Variants in AP1G2 observed in about 807,000 individuals in gnomAD.
AP1G2 encodes AP-1 complex subunit gamma-like 2.
In AP1G2, 85 loss-of-function variants were observed where a neutral mutation model predicts 95.8. That is an observed-to-expected ratio of 0.89 (90% confidence interval 0.74 to 1.06). The LOEUF is 1.06. AP1G2 is among the 50% of genes least tolerant of loss of function. AP1G2 has a pLI of 0.00. For synonymous variants in AP1G2, 378 were observed against 400.0 expected (o/e 0.94, Z 0.66); for missense variants, 967 against 1,005.8 (o/e 0.96, Z 0.52).
Position 23,561,457 on chromosome 14 carries a change from G to A in AP1G2, c.1858-26C>T, listed in dbSNP as rs75782454. The A allele has an allele frequency of 1.9e-3, 3,094 of 1,613,928 alleles. 42 individuals carry two copies. The East Asian group carries it at 0.033, about 17-fold the overall frequency. ...CTGGCAGAAGGGACAGAAGGGGCAG[G>A]GCTGGGTATGAAGCTCAGCCCGTCT... is the stretch of plus-strand genomic sequence containing the variant. On this transcript the variant is annotated intron_variant, in intron 18 of 21. Transcript: ENST00000397120.
rs1888733437 is a variant in AP1G2, at chr14:23,567,680, C to T, written c.-6+59G>A. The T allele has an allele frequency of 2.2e-6, 2 of 929,640 alleles. No individual in the cohort carries two copies. The highest frequency in any genetic ancestry group is 4.0e-5 in the South Asian group (1 of 25,288). The allele number at this position is 929,640 out of a possible 1,614,324, so 57.6% of individuals were successfully genotyped here. A position where few individuals can be genotyped will look rare whatever the true frequency, so the allele number is the denominator to read the frequency against. ...TTCCGCGAGCTTCCTCCCCCGATTT[C>T]CATCTCAGGCAGCGGCAGCGGCAGC... On this transcript the variant is annotated intron_variant, in intron 1 of 21. Transcript: ENST00000397120. The surrounding 1 kb of genome is among the most constrained non-coding windows in gnomAD (Gnocchi z 5.3).
chr14:23,567,736 C>T lies in AP1G2; in HGVS notation c.-6+3G>A. 1.0e-6 allele frequency: 1 copy of T among 954,806 alleles called. No individual in the cohort carries two copies. Among genetic ancestry groups the T allele is most frequent in the East Asian group, 1.3e-4 (1 of 7,908 alleles). The allele number at this position is 954,806 out of a possible 1,614,324, so 59.1% of individuals were successfully genotyped here. ...CCTGCCTACCCCAGGACTCCAGCCT[C>T]ACCTGGCTTCTGCCTCAACTCCGCT... On this transcript the variant is annotated splice_donor_region_variant and intron_variant, in intron 1 of 21. Coordinates refer to ENST00000397120, the MANE Select transcript of AP1G2 (RefSeq NM_003917.5). This position sits in a 1 kb window ranked among gnomAD's most constrained non-coding sequence, Gnocchi z 5.3.
intron 9 of AP1G2, 31 bp from the exon 10 acceptor site, chr14:23,564,419 A>T (rs1318503815): frequency 6.2e-7 from 1 of 1,613,706 alleles, no homozygotes; most frequent in Admixed American, 1.7e-5. Context: ...GGTCAGTCGG[A>T]AAGGAGCAAC....
Position 23,567,259 on chromosome 14 carries a change from T to C in AP1G2, c.56A>G (p.Lys19Arg). ...QDLIEEIRGAKTQAQEREVIQ... is the reference protein window; with the variant it reads ...QDLIEEIRGARTQAQEREVIQ... The stretch of plus-strand genomic sequence containing the variant: ...CACCTCCCGCTCCTGGGCCTGAGTC[T>C]TGGCCCCGCGAATCTCTTCGATGAG... Residue 19 changes from lysine (K) to arginine (R), a missense_variant, in exon 2 of 22, where the codon AAG (lysine) becomes AGG (arginine). Coordinates refer to ENST00000397120, the MANE Select transcript of AP1G2 (RefSeq NM_003917.5). This position sits in a 1 kb window ranked among gnomAD's most constrained non-coding sequence, Gnocchi z 5.3. 1 of 1,613,078 alleles carries C rather than the reference T, an allele frequency of 6.2e-7. No homozygotes were observed. Among genetic ancestry groups the C allele is most frequent in the African/African-American group, 1.3e-5 (1 of 74,976 alleles).
In AP1G2 at chr14:23,562,395, C is replaced by T. The variant is rs761539741; in HGVS notation, c.1521G>A (p.Leu507=). ...EPLQVDEEEV[L]ALLEKVLQSH... ...ACTGCAGCACCTTTTCCAGCAATGC[C>T]AGCACTTCCTCTTCGTCCACCTTCA... Residue 507 remains leucine, a synonymous_variant, in exon 16 of 22, where the codon CTG becomes CTA. Transcript: ENST00000397120. 1 of 1,614,136 alleles carries T rather than the reference C, an allele frequency of 6.2e-7. No homozygotes were observed. Among genetic ancestry groups the T allele is most frequent in the Non-Finnish European group, 8.5e-7 (1 of 1,180,012 alleles).
At chr14:23,562,893 C>A (rs1000478010) in intron 14 of AP1G2, 10 of 516,584 alleles carry the variant, frequency 1.9e-5, no homozygotes, top group Non-Finnish European at 3.2e-5. Context: ...AAGTTTGTTA[C>A]CTGGCTCCCA....
chr14:23,564,146 TCAGGGCTA>T lies in AP1G2; in HGVS notation c.983_990del (p.Val328AspfsTer10). 6.2e-7 allele frequency: 1 copy of T among 1,614,054 alleles called. No homozygotes were observed. The highest frequency in any genetic ancestry group is 1.1e-5 in the South Asian group (1 of 91,058). ...GACTGCACCAGTCGAAGCAGTGATG[TCAGGGCTA>T]CATACCTGGTCAGGATGGGGGAGGT... On this transcript the variant is annotated frameshift_variant, in exon 11 of 22. Coordinates refer to ENST00000397120, the MANE Select transcript of AP1G2 (RefSeq NM_003917.5). LOFTEE classifies it high-confidence loss of function.
Position 23,567,727 on chromosome 14 carries a change from C to T in AP1G2, c.-6+12G>A. On this transcript the variant is annotated intron_variant, in intron 1 of 21. Transcript: ENST00000397120. This position sits in a 1 kb window ranked among gnomAD's most constrained non-coding sequence, Gnocchi z 5.3. ...CAGCGACAGCCTGCCTACCCCAGGA[C>T]TCCAGCCTCACCTGGCTTCTGCCTC... 1 of 900,812 alleles carries T rather than the reference C, an allele frequency of 1.1e-6. No individual in the cohort carries two copies. The highest frequency in any genetic ancestry group is 1.3e-6 in the Non-Finnish European group (1 of 747,926). The allele number at this position is 900,812 out of a possible 1,614,324, so 55.8% of individuals were successfully genotyped here.
At position 23,559,841 on chromosome 14, in the gene AP1G2, G is replaced by A. The variant is rs1157308575; in HGVS notation, c.2266C>T (p.Arg756Trp). Reference protein sequence around the residue: ...RILNPNKAPLRLKLRLTYDHF... With the variant: ...RILNPNKAPLWLKLRLTYDHF... ...TCGTAGGTGAGGCGCAGCTTTAGCC[G>A]CAGGGGGGCCTAGGAATAGGAGAGC... Residue 756 changes from arginine to tryptophan, a missense_variant, in exon 22 of 22, where the codon CGG becomes TGG. Coordinates refer to ENST00000397120, the MANE Select transcript of AP1G2 (RefSeq NM_003917.5). 3.7e-6 allele frequency: 6 copies of A among 1,613,904 alleles called. No individual in the cohort carries two copies. The highest frequency in any genetic ancestry group is 4.5e-5 in the East Asian group (2 of 44,890).
intron 14 of AP1G2, chr14:23,562,947 A>C: frequency 1.4e-6 from 1 of 712,486 alleles, no homozygotes; most frequent in Non-Finnish European, 2.0e-6. Flanking sequence ...GGCCTAACCA[A>C]ACAGGATGGA....
chr14:23,561,984 A>G lies in AP1G2; in HGVS notation c.1711T>C (p.Phe571Leu). Residue 571 changes from phenylalanine (F) to leucine (L), a missense_variant, in exon 17 of 22, where the codon TTC becomes CTC. Coordinates refer to ENST00000397120, the MANE Select transcript of AP1G2 (RefSeq NM_003917.5). ...QQRAVEYDTL[F>L]RKYDHMRAAI... ...CACCTCATGTGGTCGTATTTCCGGAAGAGTGTGTCATACTCCACAGCCCGC... is the reference window on the plus strand; with the variant it reads ...CACCTCATGTGGTCGTATTTCCGGAGGAGTGTGTCATACTCCACAGCCCGC... The G allele has an allele frequency of 6.2e-7, 1 of 1,612,492 alleles. No homozygotes were observed. The highest frequency in any genetic ancestry group is 8.5e-7 in the Non-Finnish European group (1 of 1,179,346).
chr14:23,566,875 G>C lies in AP1G2; in HGVS notation c.205-189C>G. The C allele has an allele frequency of 4.2e-6, 4 of 953,822 alleles. No individual in the cohort carries two copies. In the South Asian group the frequency reaches 6.9e-5, roughly 16 times the overall value. 59.1% of individuals were successfully genotyped at this position (953,822 alleles called of 1,614,324 possible). A position where few individuals can be genotyped will look rare whatever the true frequency, so the allele number is the denominator to read the frequency against. On this transcript the variant is annotated intron_variant, in intron 2 of 21. Transcript: ENST00000397120. ...GTAGGAGGAACTAGGAGTTGAGGAG[G>C]ATGGGAGCGGAGAGGAGGAGATGCC...
rs368909897 is a variant in AP1G2, at chr14:23,564,103, T to C, written c.1034A>G (p.Gln345Arg). 2.5e-6 allele frequency: 4 copies of C among 1,614,218 alleles called. No individual in the cohort carries two copies. In the African/African-American group the frequency reaches 5.3e-5, roughly 22 times the overall value. ...TTCCACCACAGTGGGCCGATGCCGC[T>C]GCACAGCACTGTGATCAGACTGCAC... ...RLVQSDHSAVQRHRPTVVECL... is the reference protein window; with the variant it reads ...RLVQSDHSAVRRHRPTVVECL... The change falls in exon 11 of 22, where the codon CAG becomes CGG. Residue 345 changes from glutamine to arginine, a missense_variant. Physicochemically the swap from Gln to Arg is conservative, Grantham distance 43. Transcript: ENST00000397120.
At chr14:23,560,177 C>A in intron 20 of AP1G2, 78 bp downstream of exon 20, 1 of 1,555,576 alleles carries the variant, frequency 6.4e-7, no homozygotes, top group South Asian at 1.2e-5. Flanking sequence ...CTCACACTGT[C>A]TCCCACCCAC....
At position 23,559,985 on chromosome 14, in the gene AP1G2, C is replaced by T. The variant is rs766477765; in HGVS notation, c.2209G>A (p.Gly737Ser). The change falls in exon 21 of 22, where the codon GGT becomes AGT. Residue 737 changes from glycine to serine, a missense_variant. Transcript: ENST00000397120. ...APSGNTVPAR[G>S]GLPITQLFRI... ...AAGAGCTGGGTGATAGGAAGGCCAC[C>T]CCGAGCTGGAACTGTGTTCCCACTG... is the stretch of plus-strand genomic sequence containing the variant. The T allele has an allele frequency of 5.0e-6, 8 of 1,613,224 alleles. No individual in the cohort carries two copies. Among genetic ancestry groups the T allele is most frequent in the Middle Eastern group, 1.7e-4 (1 of 5,978 alleles).
chr14:23,562,392 T>C lies in AP1G2; in HGVS notation c.1524A>G (p.Ala508=). ...PLQVDEEEVL[A]LLEKVLQSHM... ...GGGACTGCAGCACCTTTTCCAGCAA[T>C]GCCAGCACTTCCTCTTCGTCCACCT... is the stretch of plus-strand genomic sequence containing the variant. The change falls in exon 16 of 22, where the codon GCA becomes GCG. Residue 508 remains alanine (A), a synonymous_variant. Transcript: ENST00000397120. 6.2e-7 allele frequency: 1 copy of C among 1,614,168 alleles called. No homozygotes were observed. The highest frequency in any genetic ancestry group is 8.5e-7 in the Non-Finnish European group (1 of 1,180,020).
At position 23,564,600 on chromosome 14, in the gene AP1G2, G is replaced by C; in HGVS notation, c.883C>G (p.Leu295Val). ...GCAGAGCGGATATCCATGATGGTGA[G>C]TACTGTCTCAAACAGGACCGCATTT... Reference protein sequence around the residue: ...AGNAVLFETVLTIMDIRSAAG... With the variant: ...AGNAVLFETVVTIMDIRSAAG... The change falls in exon 9 of 22, where the codon CTC becomes GTC. Residue 295 changes from leucine to valine, a missense_variant. Physicochemically the swap from Leu to Val is conservative, Grantham distance 32. Coordinates refer to ENST00000397120, the MANE Select transcript of AP1G2 (RefSeq NM_003917.5). The C allele has an allele frequency of 6.2e-7, 1 of 1,613,662 alleles. No individual in the cohort carries two copies. The highest frequency in any genetic ancestry group is 8.5e-7 in the Non-Finnish European group (1 of 1,180,016).
rs1253959028 is a variant in AP1G2 at position 23,562,085 on chromosome 14, T to C, written c.1629-19A>G. ...GATGCGGCTGGGCCAGTGTAGTATGTAAGTGGCTATGGCAGTGTGCCACTG... is the reference window on the plus strand; with the variant it reads ...GATGCGGCTGGGCCAGTGTAGTATGCAAGTGGCTATGGCAGTGTGCCACTG... On this transcript the variant is annotated intron_variant, in intron 16 of 21. Coordinates refer to ENST00000397120, the MANE Select transcript of AP1G2 (RefSeq NM_003917.5). The C allele has an allele frequency of 6.2e-7, 1 of 1,611,098 alleles. No individual in the cohort carries two copies. Among genetic ancestry groups the C allele is most frequent in the South Asian group, 1.1e-5 (1 of 90,738 alleles).
At position 23,559,930 on chromosome 14, in the gene AP1G2, A is replaced by C. The variant is rs1304493801; in HGVS notation, c.2256+8T>G. On this transcript the variant is annotated splice_region_variant and intron_variant, in intron 21 of 21. Transcript: ENST00000397120. ...GGGTCTTGTCTTGGGGGAACTCCTG[A>C]AGCTCACCTTGTTAGGATTGAGGAT... 3 of 1,612,442 alleles carry C rather than the reference A, an allele frequency of 1.9e-6. No individual in the cohort carries two copies. The highest frequency in any genetic ancestry group is 2.5e-6 in the Non-Finnish European group (3 of 1,178,908).
Sources: allele counts gnomAD v4.1 joint callset, GRCh38; gene constraint gnomAD v4.1.1; non-coding constraint Gnocchi (gnomAD v3.1); transcripts MANE v1.5; gene names NCBI Gene and HGNC (gene_info 2026-07-23, HGNC 2026-07-21).